Variants in CCM2 observed in about 807,000 individuals in gnomAD.
The protein encoded by CCM2 is CCM2 scaffold protein.
In CCM2, 25 loss-of-function variants were observed where a neutral mutation model predicts 44.9. That is an observed-to-expected ratio of 0.56 (90% confidence interval 0.41 to 0.78). The LOEUF is 0.78. CCM2 is among the 30% of genes least tolerant of loss of function. CCM2 has a pLI of 0.00. For missense variants in CCM2, 481 were observed against 580.6 expected, an observed-to-expected ratio of 0.83 and a Z score of 1.76; for synonymous variants, 219 against 241.1, an observed-to-expected ratio of 0.91 and a Z score of 0.85.
At chr7:45,014,416 G>T (rs7796455) in intron 1 of CCM2, among the ~76,000 whole-genome samples, 7 of 151,884 alleles carry the variant, frequency 4.6e-5, no homozygotes, top group Non-Finnish European at 7.4e-5. Context: ...TGGGATTACA[G>T]GCATGAACCA....
At chr7:45,010,142 C>G (rs1796010785) in intron 1 of CCM2, among the ~76,000 whole-genome samples, 1 of 152,104 alleles carries the variant, frequency 6.6e-6, no homozygotes, top group Non-Finnish European at 1.5e-5. Flanking sequence ...AATTCCTGGG[C>G]TTAAGCAATC....
In CCM2 at chr7:45,011,433, G is replaced by A. The variant is rs185648864; in HGVS notation, c.30+11070G>A. Among the ~76,000 whole-genome samples the A allele has an allele frequency of 4.4e-3, 667 of 152,262 alleles. 5 individuals carry two copies. Among genetic ancestry groups the A allele is most frequent in the African/African-American group, 0.015 (643 of 41,546 alleles). ...GCTCCTCTCGAACTCCTGACCTCAG[G>A]TGATCCAGCTGCCTTGGCCTCCCAA... On this transcript the variant is annotated intron_variant, in intron 1 of 9. Transcript: ENST00000258781.
At chr7:45,041,804 A>G (rs1260526450) in intron 2 of CCM2, among the ~76,000 whole-genome samples, 1 of 152,182 alleles carries the variant, frequency 6.6e-6, no homozygotes, top group African/African-American at 2.4e-5. Context: ...CTGGAGTGTT[A>G]GTGGAGACCA....
rs374626897 is a variant in CCM2 at position 45,075,855 on chromosome 7, G to A, written c.1133G>A (p.Arg378His). 5.6e-6 allele frequency: 9 copies of A among 1,613,554 alleles called. No individual in the cohort carries two copies. Among genetic ancestry groups the A allele is most frequent in the African/African-American group, 1.3e-5 (1 of 74,916 alleles). ...FLETIGVKDG[R>H]GIITDSFGRH... ...GAGACCATTGGCGTGAAGGATGGCC[G>A]CGGCATCATCACTGACAGCTTTGGC... The change falls in exon 10 of 10, where the codon CGC (arginine) becomes CAC (histidine). Residue 378 changes from arginine (R) to histidine (H), a missense_variant. Physicochemically the swap from Arg to His is conservative, Grantham distance 29. Transcript: ENST00000258781.
At chr7:45,033,849 G>A (rs1317403483) in intron 1 of CCM2, among the ~76,000 whole-genome samples, 1 of 152,200 alleles carries the variant, frequency 6.6e-6, no homozygotes, top group Non-Finnish European at 1.5e-5. Context: ...GAAATCACAG[G>A]CAAGCAAAGC....
intron 1 of CCM2, among the ~76,000 whole-genome samples, chr7:45,016,717 C>T (rs548585434): frequency 2.6e-5 from 4 of 151,724 alleles, no homozygotes; most frequent in South Asian, 2.1e-4. Flanking sequence ...ACTGCAACCT[C>T]CGCCTCCCAG....
intron 1 of CCM2, chr7:45,027,805 C>T (rs1446566260): frequency 1.2e-6 from 2 of 1,613,902 alleles, no homozygotes; most frequent in African/African-American, 2.7e-5. Context: ...GAGGTAGGTG[C>T]AAGTCCAGTG....
At chr7:45,025,522 TTC>T (rs927828965) in intron 1 of CCM2, among the ~76,000 whole-genome samples, 4 of 135,674 alleles carry the variant, frequency 2.9e-5, no homozygotes, top group African/African-American at 1.1e-4. Context: ...TTGTTCTCTG[TTC>T]TCTCTTTTTC....
intron 4 of CCM2, among the ~76,000 whole-genome samples, chr7:45,065,804 A>G (rs536299872): frequency 2.0e-5 from 3 of 152,170 alleles, no homozygotes; most frequent in Non-Finnish European, 4.4e-5. Context: ...ACACATGTAC[A>G]TTACTCACCC....
intron 1 of CCM2, among the ~76,000 whole-genome samples, chr7:45,016,991 G>A (rs541140694): frequency 6.6e-6 from 1 of 151,310 alleles, no homozygotes; most frequent in Non-Finnish European, 1.5e-5. Context: ...GGATGGTCTC[G>A]ATCTCCTGAC....
intron 1 of CCM2, among the ~76,000 whole-genome samples, chr7:45,029,995 T>C (rs1415294120): frequency 1.3e-5 from 2 of 152,230 alleles, no homozygotes; most frequent in Non-Finnish European, 2.9e-5. Flanking sequence ...ATATATTCCA[T>C]ATGGATGTCT....
At chr7:45,050,159 C>G (rs535677180) in intron 2 of CCM2, among the ~76,000 whole-genome samples, 6 of 152,330 alleles carry the variant, frequency 3.9e-5, no homozygotes, top group African/African-American at 1.2e-4. Context: ...CAAATACTTA[C>G]TATTGTGTTA....
chr7:45,001,567 G>A (rs1181447540), intron 1 of CCM2, among the ~76,000 whole-genome samples: 1 of 152,222 alleles, frequency 6.6e-6, no homozygotes, highest in Non-Finnish European at 1.5e-5. Context: ...TGAGCTTTGC[G>A]GAAAGTGAGC....
At chr7:45,064,186 T>C (rs1798655474) in intron 3 of CCM2, among the ~76,000 whole-genome samples, 185 bp downstream of exon 3, 1 of 152,214 alleles carries the variant, frequency 6.6e-6, no homozygotes, top group South Asian at 2.1e-4. Context: ...ACTTGCTCCA[T>C]GTGATTTTGG....
intron 1 of CCM2, among the ~76,000 whole-genome samples, chr7:45,036,086 A>T (rs1252776874): frequency 6.6e-6 from 1 of 152,112 alleles, no homozygotes; most frequent in Non-Finnish European, 1.5e-5. Context: ...GCCGGAGCAG[A>T]GATCATGCCT....
intron 1 of CCM2, among the ~76,000 whole-genome samples, chr7:45,024,130 T>G (rs561819356): frequency 4.2e-4 from 64 of 152,190 alleles, no homozygotes; most frequent in Non-Finnish European, 8.4e-4. Flanking sequence ...GTTTTGAATT[T>G]AGTTCTGGGT....
At chr7:45,033,674 G>A (rs1797074345) in intron 1 of CCM2, among the ~76,000 whole-genome samples, 1 of 152,198 alleles carries the variant, frequency 6.6e-6, no homozygotes, top group South Asian at 2.1e-4. Context: ...GGAGATGCAA[G>A]CTTCCGAAAA....
intron 2 of CCM2, among the ~76,000 whole-genome samples, chr7:45,052,771 C>A (rs1396465563): frequency 6.6e-6 from 1 of 152,186 alleles, no homozygotes; most frequent in Non-Finnish European, 1.5e-5. Flanking sequence ...GATGGGGGCC[C>A]CTACCCTGTG....
At chr7:45,010,623 G>A (rs901653828) in intron 1 of CCM2, among the ~76,000 whole-genome samples, 1 of 151,916 alleles carries the variant, frequency 6.6e-6, no homozygotes, top group African/African-American at 2.4e-5. Flanking sequence ...TTGAGATGGA[G>A]TTTTGCTCTT....
Sources: allele counts gnomAD v4.1 joint callset (sites outside exome capture counted in the v4.1 genomes callset), GRCh38; gene constraint gnomAD v4.1.1; transcripts MANE v1.5; gene names NCBI Gene and HGNC (gene_info 2026-07-23, HGNC 2026-07-21).